The following WIPI2 variants were observed in gnomAD, a reference collection of about 807,000 sequenced individuals.
WIPI2 encodes WD repeat domain phosphoinositide-interacting protein 2.
Under a neutral mutation model 52.3 loss-of-function variants are expected in WIPI2, and 28 were observed. That is an observed-to-expected ratio of 0.54 (90% CI 0.40 to 0.73). The LOEUF (loss-of-function observed/expected upper bound fraction) is 0.73. WIPI2 is among the 30% of genes least tolerant of loss of function. WIPI2 has a pLI of 0.00. For missense variants in WIPI2, 506 were observed against 602.9 expected (o/e 0.84, Z 1.68); for synonymous variants, 268 against 245.0 (o/e 1.09, Z -0.88).
chr7:5,197,828 G>C (rs1414941821), intron 2 of WIPI2, among the ~76,000 whole-genome samples: 1 of 152,138 alleles, frequency 6.6e-6, no homozygotes, highest in Non-Finnish European at 1.5e-5. Context: ...TGTTCTCCCA[G>C]ATGTTAAAAG....
chr7:5,211,830 G>C (rs1413509612), intron 3 of WIPI2, among the ~76,000 whole-genome samples: 1 of 152,206 alleles, frequency 6.6e-6, no homozygotes, highest in South Asian at 2.1e-4. Flanking sequence ...GCAGAGCTGA[G>C]ACTGGAATGT....
At position 5,230,873 on chromosome 7, in the gene WIPI2, C is replaced by G. The variant is rs150985610; in HGVS notation, c.1291C>G (p.Leu431Val). The change falls in exon 13 of 13, where the codon CTG (leucine) becomes GTG (valine). Residue 431 changes from leucine to valine, a missense_variant. By Grantham distance (32) the Leu-to-Val change is conservative (BLOSUM62 1). This residue lies in a region of WIPI2 where 194 missense variants were observed against 175.1 expected (regional missense o/e 1.11). Transcript: ENST00000288828. The surrounding 1 kb of genome is among the most constrained non-coding windows in gnomAD (Gnocchi z 4.8). ...DDLGAVGGACLEDEASALRLD... is the reference protein window; with the variant it reads ...DDLGAVGGACVEDEASALRLD... ...CCTGGGTGCTGTGGGTGGCGCCTGC[C>G]TGGAGGACGAGGCCAGCGCCCTGCG... 65 of 1,613,760 alleles carry G rather than the reference C, an allele frequency of 4.0e-5. No homozygotes were observed. The African/African-American group carries it at 7.2e-4, about 18-fold the overall frequency.
chr7:5,199,485 C>A, intron 2 of WIPI2, 91 bp from the exon 3 acceptor site: 2 of 1,126,904 alleles, frequency 1.8e-6, no homozygotes, highest in Non-Finnish European at 2.6e-6. Context: ...GGGGAACTTG[C>A]TGGGAACTCG....
At chr7:5,196,976 G>T (rs1781770282) in intron 2 of WIPI2, among the ~76,000 whole-genome samples, 1 of 151,744 alleles carries the variant, frequency 6.6e-6, no homozygotes. Context: ...GCCGGGCGTG[G>T]TGGCAGGCAC....
rs1049568410 is a variant in WIPI2 at position 5,190,243 on chromosome 7, C to T, written c.-177C>T. 1.6e-4 allele frequency: 52 copies of T among 323,126 alleles called. No individual in the cohort carries two copies. The highest frequency in any genetic ancestry group is 3.1e-4 in the Admixed American group (6 of 19,392). The allele number at this position is 323,126 out of a possible 1,614,324, so 20.0% of individuals were successfully genotyped here. On this transcript the variant is annotated 5_prime_UTR_variant, in exon 1 of 13. Coordinates refer to ENST00000288828, the MANE Select transcript of WIPI2 (RefSeq NM_015610.4). ...CGGGGCCGCGCAGGCGTACCGGGTGCCCCGGCTCTGGAGCATAAACAAGAG... is the reference window on the plus strand; with the variant it reads ...CGGGGCCGCGCAGGCGTACCGGGTGTCCCGGCTCTGGAGCATAAACAAGAG...
chr7:5,215,457 C>CGTGTTTCACGCACGTGTGT (rs1210093272), intron 4 of WIPI2, among the ~76,000 whole-genome samples: 6 of 152,238 alleles, frequency 3.9e-5, no homozygotes, highest in African/African-American at 1.4e-4. Context: ...GGCATGTGTG[C>CGTGTTTCACGCACGTGTGT]GTGTTTCACG....
chr7:5,207,166 T>C (rs1178319205), intron 3 of WIPI2, among the ~76,000 whole-genome samples: 1 of 152,212 alleles, frequency 6.6e-6, no homozygotes, highest in Non-Finnish European at 1.5e-5. Flanking sequence ...TGTTTTTTTC[T>C]TGTAAGATAA....
In WIPI2 at chr7:5,227,815, T is replaced by C. The variant is rs946554539; in HGVS notation, c.1014-289T>C. Among the ~76,000 whole-genome samples, 1 of 152,182 alleles carries C rather than the reference T, an allele frequency of 6.6e-6. No homozygotes were observed. Among genetic ancestry groups the C allele is most frequent in the Non-Finnish European group, 1.5e-5 (1 of 68,042 alleles). Reference sequence around the variant, plus strand: ...TAAACATCATTTTCCAGTTTTGTTATCTGACTAGCATCCTGGAAAACTTCT... The same window carrying C: ...TAAACATCATTTTCCAGTTTTGTTACCTGACTAGCATCCTGGAAAACTTCT... On this transcript the variant is annotated intron_variant, in intron 10 of 12. Transcript: ENST00000288828. The surrounding 1 kb of genome is among the most constrained non-coding windows in gnomAD (Gnocchi z 8.1).
intron 11 of WIPI2, 83 bp downstream of exon 11, chr7:5,228,294 C>T (rs2115321359): frequency 7.8e-7 from 1 of 1,279,270 alleles, no homozygotes; most frequent in African/African-American, 1.5e-5. Context: ...TTGTTTATTT[C>T]CTTGCAAACC....
At chr7:5,198,293 A>C (rs1781848601) in intron 2 of WIPI2, among the ~76,000 whole-genome samples, 1 of 151,960 alleles carries the variant, frequency 6.6e-6, no homozygotes, top group Admixed American at 6.6e-5. Flanking sequence ...CCTTCGTTTA[A>C]AATTTAGAAA....
At position 5,194,275 on chromosome 7, in the gene WIPI2, G is replaced by C. The variant is rs539805762; in HGVS notation, c.128+1104G>C. Among the ~76,000 whole-genome samples the C allele has an allele frequency of 2.0e-5, 3 of 152,306 alleles. No homozygotes were observed. In the South Asian group the frequency reaches 6.2e-4, roughly 32 times the overall value. ...AAGAGAGGGCACCAGGGCCTCCCAGGTCTGGGCTGGCAGCCACAGTTGAGG... is the reference window on the plus strand; with the variant it reads ...AAGAGAGGGCACCAGGGCCTCCCAGCTCTGGGCTGGCAGCCACAGTTGAGG... On this transcript the variant is annotated intron_variant, in intron 2 of 12. Transcript: ENST00000288828.
intron 3 of WIPI2, among the ~76,000 whole-genome samples, chr7:5,209,013 A>ATTTTTTTTTTT (rs55697377): frequency 1.1e-5 from 1 of 92,896 alleles, no homozygotes; most frequent in African/African-American, 4.3e-5. Flanking sequence ...ATATTCTGTG[A>ATTTTTTTTTTT]TTTTTTTTTT....
At chr7:5,204,348 T>TC (rs1172091907) in intron 3 of WIPI2, among the ~76,000 whole-genome samples, 2 of 152,096 alleles carry the variant, frequency 1.3e-5, no homozygotes, top group Non-Finnish European at 2.9e-5. Flanking sequence ...GCTCCTGTAA[T>TC]CCCAGCTACT....
rs1224606450 is a variant in WIPI2 at position 5,231,107 on chromosome 7, C to G, written c.*160C>G. The G allele has an allele frequency of 2.2e-6, 1 of 461,402 alleles. No homozygotes were observed. Among genetic ancestry groups the G allele is most frequent in the Non-Finnish European group, 3.8e-6 (1 of 266,032 alleles). The allele number at this position is 461,402 out of a possible 1,614,324, so 28.6% of individuals were successfully genotyped here. ...GTAGTGGTAGTCTAACTCCATAACGCTGAGGAAATACATCATTTTCACTTC... is the reference window on the plus strand; with the variant it reads ...GTAGTGGTAGTCTAACTCCATAACGGTGAGGAAATACATCATTTTCACTTC... On this transcript the variant is annotated 3_prime_UTR_variant, in exon 13 of 13. Coordinates refer to ENST00000288828, the MANE Select transcript of WIPI2 (RefSeq NM_015610.4).
rs910147530 is a variant in WIPI2, at chr7:5,198,388, A to G, written c.129-1188A>G. ...GAGTGCAGTGGCGCAATCTCCGCTC[A>G]CTGCAGCCACCTCCTCCCAGGTTCA... is the stretch of plus-strand genomic sequence containing the variant. On this transcript the variant is annotated intron_variant, in intron 2 of 12. Transcript: ENST00000288828. Among the ~76,000 whole-genome samples the G allele has an allele frequency of 2.9e-4, 43 of 150,858 alleles. 1 individual carries two copies. Among genetic ancestry groups the G allele is most frequent in the South Asian group, 2.1e-4 (1 of 4,798 alleles).
chr7:5,197,938 T>C (rs1386505688), intron 2 of WIPI2, among the ~76,000 whole-genome samples: 1 of 152,220 alleles, frequency 6.6e-6, no homozygotes, highest in African/African-American at 2.4e-5. Context: ...TTGCTTTCTT[T>C]GGTCAACTGG....
At chr7:5,228,004 C>T (rs1783525011) in intron 10 of WIPI2, 100 bp from the exon 11 acceptor site, 8 of 1,093,188 alleles carry the variant, frequency 7.3e-6, no homozygotes, top group Non-Finnish European at 1.1e-5. Context: ...GCTCATCTTG[C>T]TGGGGTCTCT....
rs1034476246 is a variant in WIPI2 at position 5,233,501 on chromosome 7, G to A, written c.*2554G>A. On this transcript the variant is annotated 3_prime_UTR_variant, in exon 13 of 13. Transcript: ENST00000288828. ...AACTTCAAAAAGGACGATGAGCGTG[G>A]GGGATAGGAAACAAAACCTGTAAAC... 2.0e-5 allele frequency: 3 copies of A among 152,586 alleles called. No individual in the cohort carries two copies. The highest frequency in any genetic ancestry group is 7.2e-5 in the African/African-American group (3 of 41,454). The allele number at this position is 152,586 out of a possible 1,614,324, so 9.5% of individuals were successfully genotyped here.
chr7:5,225,930 A>G lies in WIPI2; in HGVS notation c.848A>G (p.Lys283Arg). The stretch of plus-strand genomic sequence containing the variant: ...TTCAAACTCGAGACTGTGAAAGAAA[A>G]GTGAGTTGCAAATATACGTTTCTTT... ...HIFKLETVKE[K>R]PPEEPTTWTG... The change falls in exon 9 of 13, where the codon AAA becomes AGA. Residue 283 changes from lysine (K) to arginine (R), a missense_variant and splice_region_variant. By Grantham distance (26) the Lys-to-Arg change is conservative. Coordinates refer to ENST00000288828, the MANE Select transcript of WIPI2 (RefSeq NM_015610.4). 6 of 1,612,290 alleles carry G rather than the reference A, an allele frequency of 3.7e-6. No individual in the cohort carries two copies. Among genetic ancestry groups the G allele is most frequent in the Non-Finnish European group, 5.1e-6 (6 of 1,179,014 alleles).
Sources: gnomAD v4.1 joint callset for allele counts (sites outside exome capture counted in the v4.1 genomes callset) on GRCh38, gnomAD v4.1.1 for gene constraint, gnomAD v4.1.1 regional missense constraint, Gnocchi (gnomAD v3.1) non-coding constraint, MANE v1.5 for transcripts, NCBI Gene and HGNC (gene_info 2026-07-23, HGNC 2026-07-21) for gene names.